Variants in CEP162 observed in about 807,000 individuals in gnomAD.
CEP162 encodes the protein centrosomal protein of 162 kDa.
A neutral mutation model predicts 169.2 loss-of-function variants in CEP162; 141 were observed. That is an observed-to-expected ratio of 0.83 (90% CI 0.73 to 0.96). CEP162 has a LOEUF of 0.96. CEP162 is among the 40% of genes least tolerant of loss of function. CEP162 has a pLI of 0.00. For synonymous variants in CEP162, 540 were observed against 526.4 expected (o/e 1.03, Z -0.35); for missense variants, 1,600 against 1,587.2 (o/e 1.01, Z -0.14).
At chr6:84,148,903 T>C (rs1172955421) in intron 24 of CEP162, among the ~76,000 whole-genome samples, 1 of 152,156 alleles carries the variant, frequency 6.6e-6, no homozygotes, top group Middle Eastern at 3.2e-3. Context: ...ATGCTATTTT[T>C]ATAAGTGACA....
In CEP162 at chr6:84,125,156, T is replaced by C; in HGVS notation, c.4126A>G (p.Ile1376Val). The C allele has an allele frequency of 6.2e-7, 1 of 1,613,586 alleles. No individual in the cohort carries two copies. The highest frequency in any genetic ancestry group is 1.7e-4 in the Middle Eastern group (1 of 6,060). ...LEKFRTELDS[I>V]LDVLRELHRQ... is the part of the protein sequence containing the mutation. Reference sequence around the variant, plus strand: ...TGCAGCTCTCGGAGAACATCTAATATTGAGTCTAGTTCTGTGCGGAACTTC... The same window carrying C: ...TGCAGCTCTCGGAGAACATCTAATACTGAGTCTAGTTCTGTGCGGAACTTC... Residue 1376 changes from isoleucine to valine, a missense_variant, in exon 27 of 27, where the codon ATA becomes GTA. Transcript: ENST00000403245.
intron 6 of CEP162, among the ~76,000 whole-genome samples, chr6:84,208,015 ATTGAT>A (rs1158171976): frequency 1.4e-5 from 2 of 143,062 alleles, no homozygotes; most frequent in East Asian, 2.2e-4. Flanking sequence ...TTTCAGGTTG[ATTGAT>A]TTTTTTTTTT....
chr6:84,214,021 G>C (rs1221475349), intron 5 of CEP162, among the ~76,000 whole-genome samples: 1 of 152,212 alleles, frequency 6.6e-6, no homozygotes, highest in South Asian at 2.1e-4. Flanking sequence ...GCTCATGCCT[G>C]TAATCCCAGC....
chr6:84,181,607 C>G (rs533260198), intron 13 of CEP162, among the ~76,000 whole-genome samples: 14 of 151,956 alleles, frequency 9.2e-5, no homozygotes, highest in African/African-American at 3.4e-4. Context: ...TATTTGGAAC[C>G]CACGAAACCT....
chr6:84,164,795 T>C (rs1588769331), intron 18 of CEP162, among the ~76,000 whole-genome samples: 1 of 152,120 alleles, frequency 6.6e-6, no homozygotes, highest in Admixed American at 6.6e-5. Flanking sequence ...CAAACCACCA[T>C]GGCACATGTA....
intron 6 of CEP162, among the ~76,000 whole-genome samples, chr6:84,207,630 C>T (rs1030889779): frequency 1.3e-5 from 2 of 151,748 alleles, no homozygotes; most frequent in African/African-American, 4.8e-5. Context: ...GACGAGTTAA[C>T]GGGTGCAGCA....
In CEP162 at chr6:84,152,544, C is replaced by T. The variant is rs1189024724; in HGVS notation, c.3629+1G>A. On this transcript the variant is annotated splice_donor_variant, in intron 23 of 26. Transcript: ENST00000403245. LOFTEE classifies it high-confidence loss of function. ...TATTTATAAATAATTTAACATTTTA[C>T]CTTCTCATGGAGTTTTCAAATTGAT... 18 of 1,358,898 alleles carry T rather than the reference C, an allele frequency of 1.3e-5. No individual in the cohort carries two copies. The highest frequency in any genetic ancestry group is 1.5e-5 in the Non-Finnish European group (15 of 1,031,234). 84.2% of individuals were successfully genotyped at this position (1,358,898 alleles called of 1,614,324 possible).
chr6:84,182,721 C>T (rs967203494), intron 13 of CEP162, among the ~76,000 whole-genome samples: 8 of 152,096 alleles, frequency 5.3e-5, no homozygotes, highest in Admixed American at 2.6e-4. Flanking sequence ...AAGTCACATA[C>T]TAGGGATTTT....
chr6:84,140,233 C>T (rs1295649197), intron 25 of CEP162, among the ~76,000 whole-genome samples: 1 of 152,040 alleles, frequency 6.6e-6, no homozygotes, highest in African/African-American at 2.4e-5. Context: ...GACGGCAGTC[C>T]ATTAGGAGCC....
At position 84,200,907 on chromosome 6, in the gene CEP162, T is replaced by C. The variant is rs373065584; in HGVS notation, c.719-2A>G. On this transcript the variant is annotated splice_acceptor_variant, in intron 8 of 26. Coordinates refer to ENST00000403245, the MANE Select transcript of CEP162 (RefSeq NM_014895.4). LOFTEE classifies it high-confidence loss of function. ...AGTCTAATGAATCAAGCAGCACAAC[T>C]GGAAGAATATAAAAGAAAAATATAA... 11 of 1,541,884 alleles carry C rather than the reference T, an allele frequency of 7.1e-6. No homozygotes were observed. The highest frequency in any genetic ancestry group is 4.1e-5 in the African/African-American group (3 of 73,536).
Position 84,180,471 on chromosome 6 carries a change from C to A in CEP162, c.1663+4716G>T, listed in dbSNP as rs935260627. Among the ~76,000 whole-genome samples, 525 of 151,938 alleles carry A rather than the reference C, an allele frequency of 3.5e-3. 3 individuals are homozygous for A. The highest frequency in any genetic ancestry group is 0.012 in the African/African-American group (483 of 41,512). On this transcript the variant is annotated intron_variant, in intron 13 of 26. Transcript: ENST00000403245. ...GCCCTCTCTCACCACTCCTATTCAA[C>A]ATAGTGTTGGAAGTTCTGGCCAGGG...
At chr6:84,223,258 T>C (rs1332057210) in intron 2 of CEP162, among the ~76,000 whole-genome samples, 2 of 151,970 alleles carry the variant, frequency 1.3e-5, no homozygotes, top group Non-Finnish European at 2.9e-5. Flanking sequence ...CCCAGCACTT[T>C]GGGAAGCCGA....
chr6:84,134,713 C>T (rs1255259065), intron 25 of CEP162, among the ~76,000 whole-genome samples: 2 of 152,118 alleles, frequency 1.3e-5, no homozygotes, highest in Non-Finnish European at 2.9e-5. Flanking sequence ...GAGCCAGGTA[C>T]CTCAGTTGGA....
chr6:84,150,758 A>C (rs528669367), intron 23 of CEP162, among the ~76,000 whole-genome samples: 1 of 152,294 alleles, frequency 6.6e-6, no homozygotes, highest in East Asian at 1.9e-4. Context: ...TACTGTCATA[A>C]TATTCAGGAC....
Position 84,125,200 on chromosome 6 carries a change from A to G in CEP162, c.4082T>C (p.Leu1361Ser), listed in dbSNP as rs759826789. The change falls in exon 27 of 27, where the codon TTA (leucine) becomes TCA (serine). Residue 1361 changes from leucine to serine, a missense_variant. By Grantham distance (145) the Leu-to-Ser change is moderately radical. Coordinates refer to ENST00000403245, the MANE Select transcript of CEP162 (RefSeq NM_014895.4). ...EVEKWKRLAQLKNRELEKFRT... is the reference protein window; with the variant it reads ...EVEKWKRLAQSKNRELEKFRT... The stretch of plus-strand genomic sequence containing the variant: ...GAACTTCTCCAGCTCACGATTCTTT[A>G]ACTGTGCCAGTCTTTTCCATTTTTC... 6.8e-6 allele frequency: 11 copies of G among 1,613,504 alleles called. No individual in the cohort carries two copies. Among genetic ancestry groups the G allele is most frequent in the Admixed American group, 3.3e-5 (2 of 59,910 alleles).
At chr6:84,213,610 G>A (rs1274394367) in intron 5 of CEP162, among the ~76,000 whole-genome samples, 2 of 152,190 alleles carry the variant, frequency 1.3e-5, no homozygotes, top group Non-Finnish European at 2.9e-5. Context: ...CCTATTTAGT[G>A]AGATCGTTAG....
intron 3 of CEP162, among the ~76,000 whole-genome samples, chr6:84,217,184 A>C (rs533476673): frequency 2.6e-4 from 39 of 152,348 alleles, no homozygotes; most frequent in African/African-American, 9.4e-4. Context: ...AATAAAAAAA[A>C]ACAAAAATCC....
intron 18 of CEP162, among the ~76,000 whole-genome samples, chr6:84,166,831 A>G (rs549077059): frequency 6.6e-6 from 1 of 152,322 alleles, no homozygotes; most frequent in South Asian, 2.1e-4. Context: ...TGACATGATT[A>G]TTTTGTTGAT....
chr6:84,173,017 T>C (rs1219445205), intron 16 of CEP162, among the ~76,000 whole-genome samples: 1 of 152,192 alleles, frequency 6.6e-6, no homozygotes, highest in Non-Finnish European at 1.5e-5. Flanking sequence ...CCAAAGATTT[T>C]CTTGCATTAA....
Sources: gnomAD v4.1 joint callset for allele counts (sites outside exome capture counted in the v4.1 genomes callset) on GRCh38, gnomAD v4.1.1 for gene constraint, MANE v1.5 for transcripts, NCBI Gene and HGNC (gene_info 2026-07-23, HGNC 2026-07-21) for gene names.